Variants in NECAB1 observed in about 807,000 individuals in gnomAD.
NECAB1 encodes N-terminal EF-hand calcium binding protein 1.
NECAB1 carries 29 observed loss-of-function variants against 57.5 expected under a neutral mutation model. The observed-to-expected ratio is 0.50, with a 90% CI of 0.38 to 0.69. The LOEUF (loss-of-function observed/expected upper bound fraction) is 0.69. Ranked by LOEUF, NECAB1 falls within the 30% of genes least tolerant of loss-of-function variation. NECAB1 has a pLI of 0.00. For missense variants in NECAB1, 372 were observed against 413.8 expected (o/e 0.90, Z 0.88); for synonymous variants, 142 against 147.7 (o/e 0.96, Z 0.28).
Position 90,791,900 on chromosome 8 carries a change from A to G in NECAB1, c.14A>G (p.Gln5Arg). 6.4e-7 allele frequency: 1 copy of G among 1,551,422 alleles called. No homozygotes were observed. Among genetic ancestry groups the G allele is most frequent in the Non-Finnish European group, 8.7e-7 (1 of 1,147,086 alleles). The change falls in exon 1 of 13, where the codon CAG becomes CGG. Residue 5 changes from glutamine to arginine, a missense_variant. By Grantham distance (43) the Gln-to-Arg change is conservative. Coordinates refer to ENST00000417640, the MANE Select transcript of NECAB1 (RefSeq NM_022351.5). Reference sequence around the variant, plus strand: ...GGGCTCCCGAGGATGGAAGATTCCCAGGAGACATCGCCGTCCTCCAACAAC... The same window carrying G: ...GGGCTCCCGAGGATGGAAGATTCCCGGGAGACATCGCCGTCCTCCAACAAC... MEDS[Q>R]ETSPSSNNSS...
chr8:90,893,295 T>A (rs1809234032), intron 5 of NECAB1, among the ~76,000 whole-genome samples: 1 of 152,172 alleles, frequency 6.6e-6, no homozygotes, highest in Non-Finnish European at 1.5e-5. Flanking sequence ...CACATCCCCA[T>A]GGTAGCTCCT....
At chr8:90,939,499 T>G (rs2130233034) in intron 9 of NECAB1, among the ~76,000 whole-genome samples, 1 of 152,324 alleles carries the variant, frequency 6.6e-6, no homozygotes, top group South Asian at 2.1e-4. Flanking sequence ...TCCATCCCAC[T>G]TGATCACGTA....
At chr8:90,911,953 A>G (rs187710880) in intron 5 of NECAB1, among the ~76,000 whole-genome samples, 1 of 152,342 alleles carries the variant, frequency 6.6e-6, no homozygotes, top group Admixed American at 6.5e-5. Context: ...ATTCTTATCC[A>G]TAGTTAAGGA....
At chr8:90,870,005 CTTG>C (rs1442065720) in intron 3 of NECAB1, among the ~76,000 whole-genome samples, 67 of 152,246 alleles carry the variant, frequency 4.4e-4, no homozygotes, top group African/African-American at 1.4e-3. Context: ...TCTTGCTGTT[CTTG>C]TGATAGTGAG....
chr8:90,887,583 G>C (rs1809037371), intron 5 of NECAB1, among the ~76,000 whole-genome samples: 1 of 152,176 alleles, frequency 6.6e-6, no homozygotes, highest in South Asian at 2.1e-4. Context: ...AAAGGGAGAG[G>C]TCAGTGCTCA....
intron 9 of NECAB1, 120 bp from the exon 10 acceptor site, chr8:90,940,666 G>A (rs1586144497): frequency 2.8e-6 from 2 of 707,276 alleles, no homozygotes; most frequent in East Asian, 2.7e-5. Context: ...GCCTTCCTTG[G>A]TCATATTTTT....
rs1244333279 is a variant in NECAB1, at chr8:90,957,224, AC to A, written c.*1713del. ...AACCTAAATGACTTTTGACATACAA[AC>A]TCTTCTTGAGAATGTTTGTTGTAAA... On this transcript the variant is annotated 3_prime_UTR_variant, in exon 13 of 13. Transcript: ENST00000417640. 1 of 151,844 alleles carries A rather than the reference AC, an allele frequency of 6.6e-6. No individual in the cohort carries two copies. The highest frequency in any genetic ancestry group is 6.6e-5 in the Admixed American group (1 of 15,196). 9.4% of individuals were successfully genotyped at this position (151,844 alleles called of 1,614,324 possible). A position where few individuals can be genotyped will look rare whatever the true frequency, so the allele number is the denominator to read the frequency against.
chr8:90,903,143 T>G (rs1332240834), intron 5 of NECAB1, among the ~76,000 whole-genome samples: 1 of 152,046 alleles, frequency 6.6e-6, no homozygotes, highest in East Asian at 1.9e-4. Flanking sequence ...TATAGATATT[T>G]CAATAGCTTT....
chr8:90,852,851 C>T (rs1238638740), intron 3 of NECAB1, among the ~76,000 whole-genome samples: 1 of 152,236 alleles, frequency 6.6e-6, no homozygotes, highest in Non-Finnish European at 1.5e-5. Context: ...TCAATTCATT[C>T]GTGCAACCTC....
intron 3 of NECAB1, among the ~76,000 whole-genome samples, chr8:90,869,447 A>G (rs1226237369): frequency 6.6e-6 from 1 of 152,200 alleles, no homozygotes; most frequent in Non-Finnish European, 1.5e-5. Flanking sequence ...GAAAGCAGCT[A>G]CAGGGGCTGG....
At chr8:90,915,019 A>C (rs1809918189) in intron 5 of NECAB1, among the ~76,000 whole-genome samples, 1 of 152,182 alleles carries the variant, frequency 6.6e-6, no homozygotes, top group Non-Finnish European at 1.5e-5. Context: ...TTAACATTTA[A>C]ATGAGAAAAG....
At chr8:90,820,818 A>C (rs1469429624) in intron 2 of NECAB1, among the ~76,000 whole-genome samples, 1 of 151,886 alleles carries the variant, frequency 6.6e-6, no homozygotes, top group Non-Finnish European at 1.5e-5. Context: ...ATAGTAGAAA[A>C]TGGAAATTAA....
chr8:90,844,384 G>C (rs896406966), intron 3 of NECAB1, among the ~76,000 whole-genome samples: 1 of 152,068 alleles, frequency 6.6e-6, no homozygotes, highest in South Asian at 2.1e-4. Context: ...GATCCTAAGG[G>C]TCCCTATAGT....
intron 3 of NECAB1, among the ~76,000 whole-genome samples, chr8:90,863,939 T>C (rs566098070): frequency 8.3e-4 from 127 of 152,182 alleles, no homozygotes; most frequent in Non-Finnish European, 1.5e-3. Context: ...TTAGAACCCA[T>C]TTGAACTGTA....
At chr8:90,947,353 A>ACAGAG in intron 10 of NECAB1, among the ~76,000 whole-genome samples, 1 of 90,576 alleles carries the variant, frequency 1.1e-5, no homozygotes, top group Admixed American at 1.3e-4. Context: ...CACACACACA[A>ACAGAG]TAAGCCAAGT....
At chr8:90,831,470 G>A (rs1563499196) in intron 3 of NECAB1, among the ~76,000 whole-genome samples, 1 of 152,070 alleles carries the variant, frequency 6.6e-6, no homozygotes, top group Non-Finnish European at 1.5e-5. Context: ...AGGGCAAGGG[G>A]CATGAAGTTT....
intron 2 of NECAB1, 60 bp from the exon 3 acceptor site, chr8:90,824,657 A>T: frequency 8.6e-7 from 1 of 1,169,204 alleles, no homozygotes; most frequent in Non-Finnish European, 1.2e-6. Flanking sequence ...TTTATAAAGC[A>T]AAAACAGAAC....
chr8:90,817,384 T>A (rs1586038978), intron 2 of NECAB1, among the ~76,000 whole-genome samples: 1 of 151,674 alleles, frequency 6.6e-6, no homozygotes, highest in Admixed American at 6.6e-5. Context: ...GGATACTTCC[T>A]AGGATTTCTT....
chr8:90,828,044 T>C, intron 3 of NECAB1, among the ~76,000 whole-genome samples: 1 of 151,962 alleles, frequency 6.6e-6, no homozygotes, highest in East Asian at 1.9e-4. Flanking sequence ...TTTTTCTCTT[T>C]TGTTTTAGTC....
Sources: allele counts gnomAD v4.1 joint callset (sites outside exome capture counted in the v4.1 genomes callset), GRCh38; gene constraint gnomAD v4.1.1; transcripts MANE v1.5; gene names NCBI Gene and HGNC (gene_info 2026-07-23, HGNC 2026-07-21).